The following DPP10 variants were observed in gnomAD, a reference collection of about 807,000 sequenced individuals.
DPP10 encodes dipeptidyl peptidase like 10.
In DPP10, 33 loss-of-function variants were observed where a neutral mutation model predicts 120.9. The ratio of observed to expected loss-of-function variants is 0.27; its 90% CI spans 0.21 to 0.37. The LOEUF (loss-of-function observed/expected upper bound fraction) is 0.37, where lower values mean the gene tolerates loss of function less well. DPP10 is among the 10% of genes least tolerant of loss of function. The pLI, the probability that DPP10 is intolerant of heterozygous loss-of-function variation, is 1.00. For missense variants in DPP10, 816 were observed against 942.8 expected (o/e 0.87, Z 1.76); for synonymous variants, 337 against 326.1 (o/e 1.03, Z -0.36).
intron 3 of DPP10, among the ~76,000 whole-genome samples, chr2:115,427,423 C>T (rs1161355881): frequency 6.6e-6 from 1 of 152,226 alleles, no homozygotes; most frequent in East Asian, 1.9e-4. Flanking sequence ...GCCAAACCTT[C>T]ACTCTCGCAG....
chr2:114,497,532 C>A (rs17048446), intron 1 of DPP10, among the ~76,000 whole-genome samples: 7,646 of 150,538 alleles, frequency 0.051, 225 homozygotes, highest in Middle Eastern at 0.1. Context: ...GGAAAAAAAA[C>A]CAAAAACTAA....
intron 1 of DPP10, among the ~76,000 whole-genome samples, chr2:114,832,238 T>C (rs1293324425): frequency 6.6e-6 from 1 of 152,224 alleles, no homozygotes; most frequent in East Asian, 1.9e-4. Context: ...TAAAAACAAG[T>C]GTGATCTGGC....
At chr2:114,790,223 G>T (rs1435346707) in intron 1 of DPP10, among the ~76,000 whole-genome samples, 3 of 152,200 alleles carry the variant, frequency 2.0e-5, no homozygotes. Flanking sequence ...TAAAGCCATG[G>T]TGTGGAATTC....
At chr2:115,549,365 A>G (rs116283931) in intron 5 of DPP10, among the ~76,000 whole-genome samples, 396 of 152,166 alleles carry the variant, frequency 2.6e-3, no homozygotes, top group Middle Eastern at 6.8e-3. Flanking sequence ...TTGTGAGGTT[A>G]ACTGCACTCA....
chr2:114,954,487 G>C (rs1367975874), intron 1 of DPP10, among the ~76,000 whole-genome samples: 1 of 151,928 alleles, frequency 6.6e-6, no homozygotes, highest in Non-Finnish European at 1.5e-5. Flanking sequence ...AAGTTTTTAA[G>C]TAAGTAAATC....
chr2:115,199,239 A>T (rs2055514325), intron 1 of DPP10, among the ~76,000 whole-genome samples: 1 of 152,112 alleles, frequency 6.6e-6, no homozygotes, highest in Non-Finnish European at 1.5e-5. Flanking sequence ...AATATGATAA[A>T]AAACAGCCAC....
chr2:115,643,146 G>GT (rs1558969129), intron 5 of DPP10, among the ~76,000 whole-genome samples: 1 of 151,716 alleles, frequency 6.6e-6, no homozygotes, highest in Non-Finnish European at 1.5e-5. Context: ...AAAAAAATGC[G>GT]TAAGAAGAGC....
chr2:114,856,814 T>G (rs751978782), intron 1 of DPP10, among the ~76,000 whole-genome samples: 6 of 152,166 alleles, frequency 3.9e-5, no homozygotes, highest in Non-Finnish European at 7.4e-5. Context: ...ATAACTCACC[T>G]AGCTATATGC....
At chr2:114,768,552 C>T (rs757973914) in intron 1 of DPP10, among the ~76,000 whole-genome samples, 6 of 152,130 alleles carry the variant, frequency 3.9e-5, no homozygotes, top group Non-Finnish European at 8.8e-5. Context: ...TTTAAGGGCT[C>T]GTGTTATTAG....
chr2:115,782,781 A>G (rs1036254249), intron 17 of DPP10, among the ~76,000 whole-genome samples: 4 of 152,046 alleles, frequency 2.6e-5, no homozygotes, highest in Admixed American at 6.6e-5. Flanking sequence ...AATTATGAAA[A>G]ATGTGTTATT....
chr2:114,938,868 T>G (rs914191567), intron 1 of DPP10, among the ~76,000 whole-genome samples: 1 of 151,998 alleles, frequency 6.6e-6, no homozygotes, highest in Non-Finnish European at 1.5e-5. Context: ...TCTTTTGTTA[T>G]TTTTTAAACT....
chr2:114,973,775 G>C (rs1574609588), intron 1 of DPP10, among the ~76,000 whole-genome samples: 1 of 151,758 alleles, frequency 6.6e-6, no homozygotes, highest in South Asian at 2.1e-4. Flanking sequence ...GCACGTTACT[G>C]CTGCTGAAGA....
intron 1 of DPP10, among the ~76,000 whole-genome samples, chr2:114,781,013 AGAT>A (rs1682279274): frequency 6.6e-6 from 1 of 152,178 alleles, no homozygotes; most frequent in African/African-American, 2.4e-5. Flanking sequence ...AAGTTTCAGA[AGAT>A]GAGAAATGTG....
Position 114,682,744 on chromosome 2 carries a change from ATATC to A in DPP10, c.60+239924_60+239927del, listed in dbSNP as rs71989484. On this transcript the variant is annotated intron_variant, in intron 1 of 25. Coordinates refer to ENST00000410059, the MANE Select transcript of DPP10 (RefSeq NM_020868.6). ...ATACTATCCTCCCAGGTAAGATTTT[ATATC>A]TATCTATCTATCTATCTGTCTGTCT... is the stretch of plus-strand genomic sequence containing the variant. Among the ~76,000 whole-genome samples the A allele has an allele frequency of 4.2e-3, 623 of 149,688 alleles. 4 individuals carry two copies. Among genetic ancestry groups the A allele is most frequent in the South Asian group, 0.015 (69 of 4,706 alleles).
At chr2:114,769,096 A>G (rs1175657909) in intron 1 of DPP10, among the ~76,000 whole-genome samples, 1 of 152,168 alleles carries the variant, frequency 6.6e-6, no homozygotes, top group Non-Finnish European at 1.5e-5. Context: ...TTGACAGCAT[A>G]AATCTAGAGG....
chr2:115,286,706 T>C (rs2060419873), intron 1 of DPP10, among the ~76,000 whole-genome samples: 1 of 150,362 alleles, frequency 6.7e-6, no homozygotes, highest in Non-Finnish European at 1.5e-5. Flanking sequence ...AAGAAAATTT[T>C]ATTGTTATAT....
At chr2:114,988,197 T>C (rs1347339391) in intron 1 of DPP10, among the ~76,000 whole-genome samples, 1 of 152,220 alleles carries the variant, frequency 6.6e-6, no homozygotes, top group Non-Finnish European at 1.5e-5. Context: ...AAATTTTATG[T>C]ACCCAAGAGT....
intron 1 of DPP10, among the ~76,000 whole-genome samples, chr2:115,062,816 G>T (rs1471675890): frequency 2.0e-5 from 3 of 152,182 alleles, no homozygotes; most frequent in Non-Finnish European, 1.5e-5. Context: ...TTGACTCCAT[G>T]TCTTTGCTAC....
chr2:115,161,932 C>T (rs2104968821), intron 1 of DPP10: 2 of 1,441,536 alleles, frequency 1.4e-6, no homozygotes, highest in Non-Finnish European at 1.8e-6. Context: ...CGCGAGGAAG[C>T]GAGCGCCAGC....
Sources: allele counts gnomAD v4.1 joint callset (sites outside exome capture counted in the v4.1 genomes callset), GRCh38; gene constraint gnomAD v4.1.1; transcripts MANE v1.5; gene names NCBI Gene and HGNC (gene_info 2026-07-23, HGNC 2026-07-21).